SCFD1: variants seen among roughly 807,000 people sequenced by gnomAD.
SCFD1 encodes sec1 family domain-containing protein 1.
Under a neutral mutation model 103.2 loss-of-function variants are expected in SCFD1, and 37 were observed. That is an observed-to-expected ratio of 0.36 (90% CI 0.28 to 0.47). The LOEUF is 0.47. Ranked by LOEUF, SCFD1 falls within the 20% of genes least tolerant of loss-of-function variation. SCFD1 has a pLI of 1.00. For synonymous variants in SCFD1, 264 were observed against 245.0 expected, an observed-to-expected ratio of 1.08 and a Z score of -0.73; for missense variants, 639 against 761.2, an observed-to-expected ratio of 0.84 and a Z score of 1.89.
chr14:30,717,742 G>A (rs937928772), intron 20 of SCFD1, among the ~76,000 whole-genome samples: 6 of 151,648 alleles, frequency 4.0e-5, no homozygotes, highest in African/African-American at 1.2e-4. Context: ...AAATTAGTGG[G>A]GCATGGTGGC....
intron 9 of SCFD1, 37 bp from the exon 10 acceptor site, chr14:30,653,452 C>G: frequency 1.5e-6 from 2 of 1,318,588 alleles, no homozygotes; most frequent in Non-Finnish European, 2.2e-6. Context: ...ACACTGGTAT[C>G]AAGAGTTATG....
At chr14:30,670,163 A>G in intron 10 of SCFD1, 93 bp from the exon 11 acceptor site, 3 of 979,628 alleles carry the variant, frequency 3.1e-6, no homozygotes, top group South Asian at 3.3e-5. Flanking sequence ...TCAGATCTAT[A>G]TTTTGTCCTT....
intron 19 of SCFD1, among the ~76,000 whole-genome samples, chr14:30,711,667 C>T (rs1175406654): frequency 2.0e-5 from 3 of 152,032 alleles, no homozygotes; most frequent in Non-Finnish European, 4.4e-5. Flanking sequence ...AGTGAATCTG[C>T]AGAAGAGAAT....
chr14:30,704,619 AGGGTATTGTT>A (rs1410362848), intron 17 of SCFD1, among the ~76,000 whole-genome samples: 1 of 152,126 alleles, frequency 6.6e-6, no homozygotes, highest in African/African-American at 2.4e-5. Context: ...GATTTCTCTA[AGGGTATTGTT>A]GGCACATTTT....
intron 1 of SCFD1, among the ~76,000 whole-genome samples, chr14:30,627,648 A>C (rs566056440): frequency 3.0e-4 from 46 of 151,662 alleles, no homozygotes; most frequent in Non-Finnish European, 6.2e-4. Context: ...CGGGAGGCTG[A>C]AGCAGAACTG....
rs1053961703 is a variant in SCFD1 at position 30,721,825 on chromosome 14, A to G, written c.1737-59A>G. The G allele has an allele frequency of 9.6e-6, 13 of 1,359,794 alleles. No homozygotes were observed. The Middle Eastern group carries it at 5.5e-4, about 57-fold the overall frequency. The allele number at this position is 1,359,794 out of a possible 1,614,324, so 84.2% of individuals were successfully genotyped here. ...GCATGTGTGTGTATTTCCCATACCT[A>G]TTTTATTCATAATAAAAGCCATGGG... is the stretch of plus-strand genomic sequence containing the variant. On this transcript the variant is annotated intron_variant, in intron 21 of 24. Transcript: ENST00000458591.
At chr14:30,695,440 C>G (rs960369295) in intron 15 of SCFD1, among the ~76,000 whole-genome samples, 3 of 152,060 alleles carry the variant, frequency 2.0e-5, no homozygotes, top group African/African-American at 7.2e-5. Context: ...CACATGTTCT[C>G]ACTCATGTGG....
chr14:30,649,345 C>T (rs1255704777), intron 7 of SCFD1, among the ~76,000 whole-genome samples, 183 bp from the exon 8 acceptor site: 1 of 151,784 alleles, frequency 6.6e-6, no homozygotes, highest in East Asian at 1.9e-4. Context: ...TACTTGTACC[C>T]CCTAAATATA....
chr14:30,629,900 G>A (rs1233256090), intron 2 of SCFD1, among the ~76,000 whole-genome samples: 1 of 151,800 alleles, frequency 6.6e-6, no homozygotes, highest in African/African-American at 2.4e-5. Context: ...TTTTTAATGA[G>A]TATCTTTTTA....
intron 1 of SCFD1, among the ~76,000 whole-genome samples, chr14:30,623,196 T>C (rs1002729586): frequency 2.0e-5 from 3 of 152,164 alleles, no homozygotes; most frequent in African/African-American, 7.2e-5. Context: ...GTCTTAAAAG[T>C]TTTCAAGCAA....
chr14:30,717,098 A>T (rs905234433), intron 20 of SCFD1, among the ~76,000 whole-genome samples: 1 of 152,226 alleles, frequency 6.6e-6, no homozygotes, highest in African/African-American at 2.4e-5. Flanking sequence ...CTTCCAGAAG[A>T]TACTATGCCA....
intron 1 of SCFD1, among the ~76,000 whole-genome samples, chr14:30,623,784 T>A (rs1330032350): frequency 6.6e-6 from 1 of 152,180 alleles, no homozygotes; most frequent in Non-Finnish European, 1.5e-5. Flanking sequence ...GCTAGATCTA[T>A]TTTTTATCAA....
intron 3 of SCFD1, among the ~76,000 whole-genome samples, chr14:30,633,017 A>G (rs1206972683): frequency 1.3e-5 from 2 of 152,216 alleles, no homozygotes; most frequent in Admixed American, 6.5e-5. Context: ...AGAATACTGT[A>G]TCAGTTACTT....
chr14:30,725,263 A>C (rs1386584199), intron 23 of SCFD1, among the ~76,000 whole-genome samples: 2 of 152,152 alleles, frequency 1.3e-5, no homozygotes, highest in Non-Finnish European at 2.9e-5. Context: ...GAATCTACCA[A>C]TTGCTTTGGG....
intron 21 of SCFD1, among the ~76,000 whole-genome samples, chr14:30,719,909 G>A (rs1305740242): frequency 6.9e-6 from 1 of 145,652 alleles, no homozygotes; most frequent in East Asian, 2.1e-4. Context: ...AATTAGCGGT[G>A]GTATGACAAA....
chr14:30,634,120 A>G (rs1448202963), intron 4 of SCFD1, 83 bp downstream of exon 4: 1 of 720,772 alleles, frequency 1.4e-6, no homozygotes, highest in Non-Finnish European at 2.4e-6. Context: ...GTCCAGGGTG[A>G]AAAATCAGAA....
At position 30,679,685 on chromosome 14, in the gene SCFD1, T is replaced by C. The variant is rs1276566399; in HGVS notation, c.1242+4620T>C. On this transcript the variant is annotated intron_variant, in intron 14 of 24. Coordinates refer to ENST00000458591, the MANE Select transcript of SCFD1 (RefSeq NM_016106.4). ...GTTTTATTCTTCACATAAACTGACT[T>C]TTTTTTTTTTTTTAACATTAACTGA... Among the ~76,000 whole-genome samples the C allele has an allele frequency of 4.2e-4, 12 of 28,324 alleles. No individual in the cohort carries two copies. The South Asian group carries it at 0.021, about 51-fold the overall frequency. The allele number at this position is 28,324 out of a possible 152,430, so 18.6% of individuals were successfully genotyped here.
At chr14:30,676,323 A>T (rs140415834) in intron 14 of SCFD1, 2 of 152,364 alleles carry the variant, frequency 1.3e-5, no homozygotes, top group East Asian at 3.8e-4. Context: ...AAGACAGACA[A>T]GTTCTCTGTT....
chr14:30,682,927 A>T, intron 14 of SCFD1: 1 of 433,222 alleles, frequency 2.3e-6, no homozygotes, highest in South Asian at 3.6e-5. Flanking sequence ...TTTAAAAGAC[A>T]AAAACAAAAA....
Sources: allele counts gnomAD v4.1 joint callset (sites outside exome capture counted in the v4.1 genomes callset), GRCh38; gene constraint gnomAD v4.1.1; transcripts MANE v1.5; gene names NCBI Gene and HGNC (gene_info 2026-07-23, HGNC 2026-07-21).